FSTL5: variants seen among roughly 807,000 people sequenced by gnomAD.
FSTL5 encodes follistatin-related protein 5.
A neutral mutation model predicts 89.1 loss-of-function variants in FSTL5; 62 were observed. That is an observed-to-expected ratio of 0.70 (90% CI 0.57 to 0.86). FSTL5 has a LOEUF of 0.86. Ranked by LOEUF, FSTL5 falls within the 40% of genes least tolerant of loss-of-function variation. The pLI is 0.00. For synonymous variants in FSTL5, 383 were observed against 346.2 expected, an observed-to-expected ratio of 1.11 and a Z score of -1.18; for missense variants, 1,057 against 1,001.6, an observed-to-expected ratio of 1.06 and a Z score of -0.75.
At chr4:161,578,625 C>T (rs1733319054) in intron 8 of FSTL5, among the ~76,000 whole-genome samples, 1 of 151,960 alleles carries the variant, frequency 6.6e-6, no homozygotes, top group South Asian at 2.1e-4. Context: ...GCTGAGTTAT[C>T]TCTAGCAGAA....
intron 4 of FSTL5, among the ~76,000 whole-genome samples, chr4:161,801,584 C>A (rs573553484): frequency 6.6e-6 from 1 of 151,424 alleles, no homozygotes; most frequent in East Asian, 1.9e-4. Context: ...TCTCTTATCT[C>A]TTATGTAGCC....
chr4:161,546,278 AT>A (rs1732003044), intron 8 of FSTL5, among the ~76,000 whole-genome samples: 1 of 136,540 alleles, frequency 7.3e-6, no homozygotes, highest in African/African-American at 3.0e-5. Flanking sequence ...AAATATGCAT[AT>A]TATATATACA....
intron 8 of FSTL5, among the ~76,000 whole-genome samples, chr4:161,577,483 A>AAAAAAAAAAG (rs1733265589): frequency 6.6e-6 from 1 of 150,736 alleles, no homozygotes; most frequent in African/African-American, 2.4e-5. Flanking sequence ...CAAAAAAAAA[A>AAAAAAAAAAG]AAAAAAAAGG....
chr4:162,065,269 T>C (rs1017382053), intron 2 of FSTL5, among the ~76,000 whole-genome samples: 17 of 152,016 alleles, frequency 1.1e-4, no homozygotes, highest in African/African-American at 1.4e-4. Context: ...ATTCAACCTA[T>C]ATAATGGGTG....
intron 7 of FSTL5, among the ~76,000 whole-genome samples, chr4:161,606,240 A>ACTT (rs1554001884): frequency 8.5e-6 from 1 of 117,868 alleles, no homozygotes; most frequent in Non-Finnish European, 1.7e-5. Context: ...ATTATCTGTG[A>ACTT]TTTTTTTTTT....
intron 7 of FSTL5, among the ~76,000 whole-genome samples, chr4:161,603,451 C>T (rs1734323933): frequency 6.6e-6 from 1 of 152,082 alleles, no homozygotes; most frequent in Admixed American, 6.6e-5. Flanking sequence ...CAAGGAAAGG[C>T]CACGTGCAAA....
chr4:161,823,585 G>T (rs1036705897), intron 4 of FSTL5, among the ~76,000 whole-genome samples: 1 of 152,206 alleles, frequency 6.6e-6, no homozygotes, highest in East Asian at 1.9e-4. Context: ...GGCTTTGCAG[G>T]CCTGCAAGAG....
chr4:161,683,243 G>A (rs1332596353), intron 6 of FSTL5, among the ~76,000 whole-genome samples: 5 of 150,562 alleles, frequency 3.3e-5, no homozygotes, highest in Admixed American at 6.6e-5. Flanking sequence ...TGAGTAATGC[G>A]TTGTGATTCA....
intron 3 of FSTL5, among the ~76,000 whole-genome samples, chr4:161,931,458 A>G (rs542959801): frequency 1.2e-4 from 19 of 152,074 alleles, no homozygotes; most frequent in African/African-American, 4.6e-4. Flanking sequence ...GAGTGATTAT[A>G]AATAAAGACA....
intron 3 of FSTL5, among the ~76,000 whole-genome samples, chr4:161,948,124 A>T (rs1263576743): frequency 8.3e-6 from 1 of 120,074 alleles, no homozygotes; most frequent in Non-Finnish European, 1.8e-5. Context: ...AGAAAATTTA[A>T]AAAAAAAAAG....
At chr4:161,695,057 T>C (rs1036194936) in intron 6 of FSTL5, among the ~76,000 whole-genome samples, 1 of 152,140 alleles carries the variant, frequency 6.6e-6, no homozygotes, top group Non-Finnish European at 1.5e-5. Context: ...ATTTTATTTT[T>C]CTTTTTCTGT....
chr4:161,966,161 T>C (rs982989416), intron 3 of FSTL5, among the ~76,000 whole-genome samples: 1 of 152,112 alleles, frequency 6.6e-6, no homozygotes, highest in African/African-American at 2.4e-5. Context: ...GTTTAATTCA[T>C]TGTTAGTTTC....
rs374948632 is a variant in FSTL5, at chr4:161,759,448, G to C, written c.690C>G (p.Asp230Glu). 3.0e-5 allele frequency: 48 copies of C among 1,594,904 alleles called. No homozygotes were observed. The highest frequency in any genetic ancestry group is 4.0e-5 in the Non-Finnish European group (47 of 1,171,562). ...VLLKYDDFNA[D>E]KHLALEEFYR... Reference sequence around the variant, plus strand: ...AAAATTCTTCAAGAGCCAGGTGCTTGTCAGCATTAAAATCATCATATTTCA... The same window carrying C: ...AAAATTCTTCAAGAGCCAGGTGCTTCTCAGCATTAAAATCATCATATTTCA... The change falls in exon 6 of 16, where the codon GAC becomes GAG. Residue 230 changes from aspartate to glutamate, a missense_variant. Physicochemically the swap from Asp to Glu is conservative, Grantham distance 45 (BLOSUM62 2). Coordinates refer to ENST00000306100, the MANE Select transcript of FSTL5 (RefSeq NM_020116.5).
At chr4:161,623,985 C>A (rs1355030889) in intron 7 of FSTL5, among the ~76,000 whole-genome samples, 1 of 151,914 alleles carries the variant, frequency 6.6e-6, no homozygotes, top group African/African-American at 2.4e-5. Context: ...AACTTTAGAA[C>A]ACCATATTAA....
chr4:162,130,616 C>T (rs1020242397), intron 1 of FSTL5, among the ~76,000 whole-genome samples: 1 of 152,040 alleles, frequency 6.6e-6, no homozygotes, highest in East Asian at 1.9e-4. Context: ...TATGTCAAGC[C>T]CCACAGAGTA....
rs529089617 is a variant in FSTL5, at chr4:161,465,708, AG to A, written c.1609-6390del. ...TTGAACCCCCATCATAATAGAACAA[AG>A]GGGATCAGTTTGCATCTATTGAATT... On this transcript the variant is annotated intron_variant, in intron 13 of 15. Coordinates refer to ENST00000306100, the MANE Select transcript of FSTL5 (RefSeq NM_020116.5). 3.5e-3 allele frequency among the ~76,000 whole-genome samples: 534 copies of A among 152,312 alleles called. 5 individuals carry two copies. The highest frequency in any genetic ancestry group is 0.012 in the African/African-American group (508 of 41,560).
At chr4:161,589,711 G>A (rs1733739443) in intron 7 of FSTL5, among the ~76,000 whole-genome samples, 2 of 152,142 alleles carry the variant, frequency 1.3e-5, no homozygotes, top group Non-Finnish European at 1.5e-5. Flanking sequence ...GCAACAGTTT[G>A]ACTAAAAAAC....
chr4:161,505,459 C>T (rs17041127), intron 11 of FSTL5, among the ~76,000 whole-genome samples: 232 of 152,154 alleles, frequency 1.5e-3, no homozygotes, highest in African/African-American at 5.3e-3. Context: ...AAGTGGGTAC[C>T]GTCTGACCAC....
intron 7 of FSTL5, among the ~76,000 whole-genome samples, chr4:161,621,984 G>A (rs1182213928): frequency 2.0e-5 from 3 of 151,716 alleles, no homozygotes; most frequent in Admixed American, 2.0e-4. Context: ...CAACAAGCAC[G>A]AAACTCCCTC....
Sources: allele counts gnomAD v4.1 joint callset (sites outside exome capture counted in the v4.1 genomes callset), GRCh38; gene constraint gnomAD v4.1.1; transcripts MANE v1.5; gene names NCBI Gene and HGNC (gene_info 2026-07-23, HGNC 2026-07-21).